Variants in RALGPS2 observed in about 807,000 individuals in gnomAD.
RALGPS2 encodes the protein ras-specific guanine nucleotide-releasing factor RalGPS2.
RALGPS2 carries 43 observed loss-of-function variants against 86.8 expected under a neutral mutation model. The observed-to-expected ratio is 0.50, with a 90% confidence interval of 0.39 to 0.64. The LOEUF (loss-of-function observed/expected upper bound fraction) is 0.64. Ranked by LOEUF, RALGPS2 falls within the 30% of genes least tolerant of loss-of-function variation. RALGPS2 has a pLI of 0.00. For synonymous variants in RALGPS2, 243 were observed against 231.3 expected (o/e 1.05, Z -0.46); for missense variants, 536 against 694.6 (o/e 0.77, Z 2.57).
chr1:178,864,939 T>A (rs1365771442), intron 8 of RALGPS2: 1 of 1,422,994 alleles, frequency 7.0e-7, no homozygotes, highest in African/African-American at 1.4e-5. Flanking sequence ...CTTTTTACAG[T>A]AAGAGGTAAC....
intron 8 of RALGPS2, among the ~76,000 whole-genome samples, chr1:178,839,843 AAG>A (rs1185088830): frequency 6.6e-6 from 1 of 151,876 alleles, no homozygotes; most frequent in Non-Finnish European, 1.5e-5. Context: ...AAAACAAAAA[AAG>A]GGGTTGCGAT....
chr1:178,897,061 A>G (rs1463199690), intron 16 of RALGPS2, among the ~76,000 whole-genome samples: 3 of 152,118 alleles, frequency 2.0e-5, no homozygotes, highest in Admixed American at 6.6e-5. Context: ...TGGTTGAATT[A>G]GTTTACAGTC....
intron 4 of RALGPS2, among the ~76,000 whole-genome samples, chr1:178,788,611 G>C (rs1164866806): frequency 6.6e-6 from 1 of 152,150 alleles, no homozygotes; most frequent in Admixed American, 6.5e-5. Context: ...GAAAGTCGGG[G>C]CAAAGGCCAG....
At chr1:178,878,397 A>C (rs563001059) in intron 9 of RALGPS2, among the ~76,000 whole-genome samples, 1 of 152,152 alleles carries the variant, frequency 6.6e-6, no homozygotes, top group Non-Finnish European at 1.5e-5. Flanking sequence ...AACCTCAAAA[A>C]CTTCCTAAAA....
rs1016308122 is a variant in RALGPS2 at position 178,885,318 on chromosome 1, T to C, written c.1040+107T>C. The C allele has an allele frequency of 7.3e-6, 8 of 1,098,426 alleles. No homozygotes were observed. The Admixed American group carries it at 2.0e-4, about 27-fold the overall frequency. 68.0% of individuals were successfully genotyped at this position (1,098,426 alleles called of 1,614,324 possible). The stretch of plus-strand genomic sequence containing the variant: ...ATGGTATCCTTGAATAGTTTTCTTT[T>C]TTCTTAATAGCTGTTTTCTGATTCA... On this transcript the variant is annotated intron_variant, in intron 12 of 19. Transcript: ENST00000367635.
chr1:178,897,823 T>C, intron 17 of RALGPS2, 67 bp downstream of exon 17: 1 of 1,359,246 alleles, frequency 7.4e-7, no homozygotes, highest in Admixed American at 1.9e-5. Flanking sequence ...AAGAAAGCAG[T>C]CCTAATGGGA....
intron 16 of RALGPS2, among the ~76,000 whole-genome samples, chr1:178,896,690 C>T (rs559326113): frequency 2.1e-5 from 3 of 146,072 alleles, no homozygotes; most frequent in African/African-American, 7.7e-5. Flanking sequence ...CAATTCCCAC[C>T]TATGAGTGAG....
intron 1 of RALGPS2, among the ~76,000 whole-genome samples, chr1:178,750,153 A>C (rs1254498973): frequency 1.3e-5 from 2 of 152,130 alleles, no homozygotes; most frequent in African/African-American, 4.8e-5. Context: ...AGTAGAATCT[A>C]TCCATTTTTG....
chr1:178,886,008 A>T lies in RALGPS2; in HGVS notation c.1080A>T (p.Ala360=), dbSNP rs1209791209. The part of the protein sequence containing the change: ...HKMNTAEFKS[A]TFPNAGPRHL... ...TGAACACAGCAGAATTTAAGAGTGC[A>T]ACGTTTCCAAATGCAGGACCAAGAC... Residue 360 remains alanine (A), a synonymous_variant, in exon 13 of 20, where the codon GCA becomes GCT. Coordinates refer to ENST00000367635, the MANE Select transcript of RALGPS2 (RefSeq NM_152663.5). 6 of 1,611,846 alleles carry T rather than the reference A, an allele frequency of 3.7e-6. No individual in the cohort carries two copies. Among genetic ancestry groups the T allele is most frequent in the South Asian group, 1.1e-5 (1 of 90,418 alleles).
chr1:178,764,278 G>C (rs1432480488), intron 1 of RALGPS2, among the ~76,000 whole-genome samples: 1 of 152,062 alleles, frequency 6.6e-6, no homozygotes, highest in Non-Finnish European at 1.5e-5. Flanking sequence ...TGAAATTAGA[G>C]TAGCAACCTC....
intron 16 of RALGPS2, among the ~76,000 whole-genome samples, chr1:178,895,222 C>G (rs1659889459): frequency 6.6e-6 from 1 of 151,992 alleles, no homozygotes; most frequent in Non-Finnish European, 1.5e-5. Flanking sequence ...TATATTCACA[C>G]TTAAAGCTTT....
intron 9 of RALGPS2, 47 bp from the exon 10 acceptor site, chr1:178,878,855 G>A (rs371005892): frequency 1.2e-4 from 196 of 1,594,228 alleles, no homozygotes; most frequent in Non-Finnish European, 1.6e-4. Context: ...TTAAAGTTCT[G>A]GTTAAGATGT....
chr1:178,727,502 C>T (rs561460015), intron 1 of RALGPS2, among the ~76,000 whole-genome samples: 2 of 152,300 alleles, frequency 1.3e-5, no homozygotes, highest in South Asian at 4.1e-4. Flanking sequence ...CAGAACACAA[C>T]GTGCTTTTCT....
At chr1:178,768,714 T>C (rs1352577643) in intron 1 of RALGPS2, among the ~76,000 whole-genome samples, 3 of 152,072 alleles carry the variant, frequency 2.0e-5, no homozygotes, top group Admixed American at 6.6e-5. Flanking sequence ...ACCAAGCAGG[T>C]CCACCTACGG....
chr1:178,890,663 TG>T (rs1659680233), intron 14 of RALGPS2, among the ~76,000 whole-genome samples: 1 of 151,974 alleles, frequency 6.6e-6, no homozygotes, highest in Admixed American at 6.6e-5. Context: ...ATTTTTTATG[TG>T]ACTTCATAAA....
chr1:178,891,226 C>G (rs957410176), intron 14 of RALGPS2, among the ~76,000 whole-genome samples: 2 of 151,944 alleles, frequency 1.3e-5, no homozygotes, highest in Non-Finnish European at 2.9e-5. Flanking sequence ...TTTCTTATGC[C>G]AAGTTTAAAA....
chr1:178,808,246 C>T (rs1654828338), intron 5 of RALGPS2, 118 bp downstream of exon 5: 1 of 713,774 alleles, frequency 1.4e-6, no homozygotes, highest in Non-Finnish European at 2.4e-6. Context: ...CAGTATCTCT[C>T]AAGTATTGTC....
chr1:178,762,084 C>A (rs893206928), intron 1 of RALGPS2, among the ~76,000 whole-genome samples: 2 of 152,102 alleles, frequency 1.3e-5, no homozygotes, highest in Non-Finnish European at 2.9e-5. Context: ...TGTTTAACTC[C>A]TATTTATTAG....
intron 7 of RALGPS2, among the ~76,000 whole-genome samples, chr1:178,826,364 C>T (rs1655742439): frequency 6.6e-6 from 1 of 152,162 alleles, no homozygotes; most frequent in Non-Finnish European, 1.5e-5. Context: ...ATATTCATCT[C>T]TCTTTAAAAG....
Sources: gnomAD v4.1 joint callset for allele counts (sites outside exome capture counted in the v4.1 genomes callset) on GRCh38, gnomAD v4.1.1 for gene constraint, MANE v1.5 for transcripts, NCBI Gene and HGNC (gene_info 2026-07-23, HGNC 2026-07-21) for gene names.